The following FZR1 variants were observed in gnomAD, a reference collection of about 807,000 sequenced individuals.
FZR1 encodes the protein fizzy-related protein homolog.
FZR1 carries 11 observed loss-of-function variants against 63.6 expected under a neutral mutation model. The observed-to-expected ratio is 0.17, with a 90% confidence interval of 0.11 to 0.29. The LOEUF (loss-of-function observed/expected upper bound fraction) is 0.29. Among genes scored for constraint, FZR1 ranks in the 10% least tolerant of loss-of-function variants. The pLI, the probability that FZR1 is intolerant of heterozygous loss-of-function variation, is 1.00. For synonymous variants in FZR1, 328 were observed against 297.9 expected, an observed-to-expected ratio of 1.10 and a Z score of -1.04; for missense variants, 440 against 687.5, an observed-to-expected ratio of 0.64 and a Z score of 4.03.
At chr19:3,511,586 G>A (rs947457806) in intron 1 of FZR1, among the ~76,000 whole-genome samples, 1 of 152,238 alleles carries the variant, frequency 6.6e-6, no homozygotes, top group African/African-American at 2.4e-5. Flanking sequence ...TGCACACCCA[G>A]TGGGGGCAGC....
intron 1 of FZR1, among the ~76,000 whole-genome samples, chr19:3,513,894 C>T (rs577624766): frequency 1.3e-5 from 2 of 152,276 alleles, no homozygotes; most frequent in African/African-American, 4.8e-5. Flanking sequence ...TCAGCCTCAA[C>T]ACATGAGTCA....
chr19:3,532,221 C>T (rs2083255288), intron 10 of FZR1, 126 bp downstream of exon 10: 2 of 1,000,672 alleles, frequency 2.0e-6, no homozygotes. Context: ...ATCAGCAGGG[C>T]ACCAGGCTTG....
At chr19:3,519,954 C>CCCCACA (rs2083086667) in intron 1 of FZR1, among the ~76,000 whole-genome samples, 1 of 151,880 alleles carries the variant, frequency 6.6e-6, no homozygotes, top group Admixed American at 6.6e-5. Context: ...TCCCGGGGGG[C>CCCCACA]CCCACACCCA....
chr19:3,533,706 C>T lies in FZR1; in HGVS notation c.1347+308C>T. The T allele has an allele frequency of 8.3e-6, 3 of 360,332 alleles. No individual in the cohort carries two copies. The highest frequency in any genetic ancestry group is 1.5e-5 in the Non-Finnish European group (3 of 194,308). 22.3% of individuals were successfully genotyped at this position (360,332 alleles called of 1,614,324 possible). On this transcript the variant is annotated intron_variant, in intron 12 of 13. Coordinates refer to ENST00000441788, the MANE Select transcript of FZR1 (RefSeq NM_016263.4). The surrounding 1 kb of genome is among the most constrained non-coding windows in gnomAD (Gnocchi z 4.9). ...AAAGCCAAAACCAACTCACAGCTGA[C>T]CACTCAGATGACCCTGTGAACGTCC...
chr19:3,520,194 C>A (rs2083089204), intron 1 of FZR1, among the ~76,000 whole-genome samples: 1 of 152,158 alleles, frequency 6.6e-6, no homozygotes, highest in East Asian at 1.9e-4. Flanking sequence ...GTGGTGGGGA[C>A]ACATGGGCCT....
At chr19:3,507,386 CT>C (rs996326976) in intron 1 of FZR1, among the ~76,000 whole-genome samples, 1 of 152,042 alleles carries the variant, frequency 6.6e-6, no homozygotes, top group Non-Finnish European at 1.5e-5. Context: ...CCCCCTCCCC[CT>C]CTTCCACCGT....
intron 2 of FZR1, among the ~76,000 whole-genome samples, chr19:3,523,693 A>T (rs1222894404): frequency 2.6e-5 from 4 of 152,212 alleles, no homozygotes; most frequent in Admixed American, 2.6e-4. Flanking sequence ...CCAAGCCATC[A>T]TTCTCGAAGA....
Position 3,532,663 on chromosome 19 carries a change from G to A in FZR1, c.1242+13G>A, listed in dbSNP as rs780515636. ...CGCCAACGAGCTGGTGAGCACGGGC[G>A]GCCCGGCCTCCCACCAGGCCTCAGG... On this transcript the variant is annotated intron_variant, in intron 11 of 13. Coordinates refer to ENST00000441788, the MANE Select transcript of FZR1 (RefSeq NM_016263.4). The A allele has an allele frequency of 9.4e-6, 15 of 1,590,518 alleles. No homozygotes were observed. Among genetic ancestry groups the A allele is most frequent in the East Asian group, 4.5e-5 (2 of 44,602 alleles).
chr19:3,529,757 A>AGC, intron 7 of FZR1, among the ~76,000 whole-genome samples: 1 of 138,534 alleles, frequency 7.2e-6, no homozygotes. Flanking sequence ...AGCGCATGGG[A>AGC]GCGCATGGGT....
In FZR1 at chr19:3,533,748, G is replaced by A. The variant is rs576805604; in HGVS notation, c.1347+350G>A. ...TGAACGTCCTACACAGTAACTGTAT[G>A]CACGTGGCTGGATGGGGGCCAGGAG... On this transcript the variant is annotated intron_variant, in intron 12 of 13. Coordinates refer to ENST00000441788, the MANE Select transcript of FZR1 (RefSeq NM_016263.4). This position sits in a 1 kb window ranked among gnomAD's most constrained non-coding sequence, Gnocchi z 4.9. The A allele has an allele frequency of 2.1e-4, 49 of 238,108 alleles. No homozygotes were observed. The East Asian group carries it at 3.6e-3, about 18-fold the overall frequency. The allele number at this position is 238,108 out of a possible 1,614,324, so 14.7% of individuals were successfully genotyped here. A position where few individuals can be genotyped will look rare whatever the true frequency, so the allele number is the denominator to read the frequency against.
In FZR1 at chr19:3,533,763, G is replaced by C. The variant is rs551203853; in HGVS notation, c.1347+365G>C. ...GTAACTGTATGCACGTGGCTGGATG[G>C]GGGCCAGGAGGCGTCCTTGGCCCCA... On this transcript the variant is annotated intron_variant, in intron 12 of 13. Transcript: ENST00000441788. This position sits in a 1 kb window ranked among gnomAD's most constrained non-coding sequence, Gnocchi z 4.9. 313 of 214,930 alleles carry C rather than the reference G, an allele frequency of 1.5e-3. 8 individuals are homozygous for C. In the South Asian group the frequency reaches 0.033, roughly 23 times the overall value. 13.3% of individuals were successfully genotyped at this position (214,930 alleles called of 1,614,324 possible).
intron 10 of FZR1, 65 bp from the exon 11 acceptor site, chr19:3,532,352 G>A (rs918750725): frequency 3.8e-6 from 5 of 1,328,312 alleles, no homozygotes; most frequent in Non-Finnish European, 5.2e-6. Context: ...CGTCACACCT[G>A]TGAGGACCGG....
At position 3,535,209 on chromosome 19, in the gene FZR1, A is replaced by G. The variant is rs1372671944; in HGVS notation, c.*373A>G. Reference sequence around the variant, plus strand: ...ACCGGAGCCGCATGCTCTTCCTGGAACTGCCCACGTCTGCACAGAACAGAC... The same window carrying G: ...ACCGGAGCCGCATGCTCTTCCTGGAGCTGCCCACGTCTGCACAGAACAGAC... On this transcript the variant is annotated 3_prime_UTR_variant, in exon 14 of 14. Coordinates refer to ENST00000441788, the MANE Select transcript of FZR1 (RefSeq NM_016263.4). 1.2e-5 allele frequency: 4 copies of G among 331,802 alleles called. No homozygotes were observed. The highest frequency in any genetic ancestry group is 1.7e-5 in the Non-Finnish European group (3 of 171,576). 20.6% of individuals were successfully genotyped at this position (331,802 alleles called of 1,614,324 possible). A position where few individuals can be genotyped will look rare whatever the true frequency, so the allele number is the denominator to read the frequency against.
At position 3,509,796 on chromosome 19, in the gene FZR1, G is replaced by A. The variant is rs115017432; in HGVS notation, c.-35+3322G>A. On this transcript the variant is annotated intron_variant, in intron 1 of 13. Coordinates refer to ENST00000441788, the MANE Select transcript of FZR1 (RefSeq NM_016263.4). ...CTGAGTCAGAGCCCTGCTCTTTGTC[G>A]TGGCTGAGTCATGTTCCGTGATGTG... Among the ~76,000 whole-genome samples, 579 of 152,268 alleles carry A rather than the reference G, an allele frequency of 3.8e-3. 3 individuals are homozygous for A. The highest frequency in any genetic ancestry group is 0.013 in the African/African-American group (554 of 41,556).
rs1054851182 is a variant in FZR1, at chr19:3,514,146, C to T, written c.-35+7672C>T. 7.9e-5 allele frequency among the ~76,000 whole-genome samples: 12 copies of T among 152,156 alleles called. No homozygotes were observed. Among genetic ancestry groups the T allele is most frequent in the African/African-American group, 2.9e-4 (12 of 41,430 alleles). ...TGTCTACACGGCAGACAGCCCCTCA[C>T]GCTTTGCGTCCCCACTCAGGGACAC... On this transcript the variant is annotated intron_variant, in intron 1 of 13. Coordinates refer to ENST00000441788, the MANE Select transcript of FZR1 (RefSeq NM_016263.4). The surrounding 1 kb of genome is among the most constrained non-coding windows in gnomAD (Gnocchi z 4.2).
At position 3,531,978 on chromosome 19, in the gene FZR1, C is replaced by T; in HGVS notation, c.891C>T (p.Asp297=). ...GCGACCGCATGATCCTGCAGAGGGACATCCGCACCCCGCCACTGCAGTCGG... is the reference window on the plus strand; with the variant it reads ...GCGACCGCATGATCCTGCAGAGGGATATCCGCACCCCGCCACTGCAGTCGG... ...GSRDRMILQR[D]IRTPPLQSER... The change falls in exon 10 of 14, where the codon GAC becomes GAT. Residue 297 remains aspartate, a synonymous_variant. Coordinates refer to ENST00000441788, the MANE Select transcript of FZR1 (RefSeq NM_016263.4). The T allele has an allele frequency of 6.4e-7, 1 of 1,569,702 alleles. No individual in the cohort carries two copies. The highest frequency in any genetic ancestry group is 8.6e-7 in the Non-Finnish European group (1 of 1,161,726).
At position 3,526,028 on chromosome 19, in the gene FZR1, C is replaced by G. The variant is rs773263261; in HGVS notation, c.195+35C>G. On this transcript the variant is annotated intron_variant, in intron 3 of 13. Transcript: ENST00000441788. The surrounding 1 kb of genome is among the most constrained non-coding windows in gnomAD (Gnocchi z 5.4). ...TGGCTGGGCAGGAGATGGGACCCCCCGGGAAGCCCAGGGCCCCTCCCAGCC... is the reference window on the plus strand; with the variant it reads ...TGGCTGGGCAGGAGATGGGACCCCCGGGGAAGCCCAGGGCCCCTCCCAGCC... 29 of 1,611,050 alleles carry G rather than the reference C, an allele frequency of 1.8e-5. No homozygotes were observed. The highest frequency in any genetic ancestry group is 6.7e-5 in the African/African-American group (5 of 74,908).
Position 3,525,675 on chromosome 19 carries a change from C to T in FZR1, c.70-193C>T, listed in dbSNP as rs561200454. On this transcript the variant is annotated intron_variant, in intron 2 of 13. Coordinates refer to ENST00000441788, the MANE Select transcript of FZR1 (RefSeq NM_016263.4). This position sits in a 1 kb window ranked among gnomAD's most constrained non-coding sequence, Gnocchi z 4.2. Reference sequence around the variant, plus strand: ...GCCAGGATGGTCTTGATCTCCTGACCTCGTGATCCGCCCGCCTCGGCCTCC... The same window carrying T: ...GCCAGGATGGTCTTGATCTCCTGACTTCGTGATCCGCCCGCCTCGGCCTCC... Among the ~76,000 whole-genome samples the T allele has an allele frequency of 1.3e-5, 2 of 152,184 alleles. No homozygotes were observed. Among genetic ancestry groups the T allele is most frequent in the South Asian group, 2.1e-4 (1 of 4,826 alleles).
intron 8 of FZR1, among the ~76,000 whole-genome samples, chr19:3,531,092 C>T (rs11879223): frequency 0.016 from 2,503 of 152,212 alleles, 63 homozygotes; most frequent in African/African-American, 0.057. Flanking sequence ...GGGGAAATAA[C>T]GCCCCAGTTC....
Sources: gnomAD v4.1 joint callset for allele counts (sites outside exome capture counted in the v4.1 genomes callset) on GRCh38, gnomAD v4.1.1 for gene constraint, Gnocchi (gnomAD v3.1) non-coding constraint, MANE v1.5 for transcripts, NCBI Gene and HGNC (gene_info 2026-07-23, HGNC 2026-07-21) for gene names.